PAPPA: variants seen among roughly 807,000 people sequenced by gnomAD.
PAPPA encodes the protein pappalysin-1.
PAPPA carries 60 observed loss-of-function variants against 164.0 expected under a neutral mutation model. The observed-to-expected ratio is 0.37, with a 90% CI of 0.30 to 0.45. The LOEUF (loss-of-function observed/expected upper bound fraction) is 0.45. Among genes scored for constraint, PAPPA ranks in the 20% least tolerant of loss-of-function variants. PAPPA has a pLI of 1.00. For synonymous variants in PAPPA, 875 were observed against 814.1 expected (o/e 1.07, Z -1.27); for missense variants, 1,782 against 2,087.3 (o/e 0.85, Z 2.85).
chr9:116,274,132 GA>G (rs11342215), intron 9 of PAPPA, among the ~76,000 whole-genome samples: 58,109 of 150,560 alleles, frequency 0.39, 11,409 homozygotes, highest in East Asian at 0.65. Context: ...CAGGGTGAAT[GA>G]AAAAAAAACA....
intron 9 of PAPPA, among the ~76,000 whole-genome samples, chr9:116,289,313 G>GCCATATATAT (rs1397352816): frequency 4.6e-4 from 55 of 119,014 alleles, no homozygotes; most frequent in Non-Finnish European, 8.8e-4. Context: ...GCATATATAT[G>GCCATATATAT]GCATATATAT....
intron 13 of PAPPA, among the ~76,000 whole-genome samples, chr9:116,338,912 T>C (rs1436201185): frequency 6.6e-6 from 1 of 152,210 alleles, no homozygotes; most frequent in African/African-American, 2.4e-5. Context: ...TGTTGTTTTG[T>C]TCTCATAAAA....
chr9:116,220,736 A>G (rs981260415), intron 5 of PAPPA, among the ~76,000 whole-genome samples: 3 of 151,494 alleles, frequency 2.0e-5, no homozygotes, highest in East Asian at 3.9e-4. Context: ...AAGCACAAAA[A>G]TTAGACGGGT....
chr9:116,312,288 C>CTTTTTTTTTTTTTTTTTTTTTTTTTTT (rs5900201), intron 10 of PAPPA, among the ~76,000 whole-genome samples: 1 of 129,634 alleles, frequency 7.7e-6, no homozygotes, highest in South Asian at 2.5e-4. Flanking sequence ...TTCTTTCTTT[C>CTTTTTTTTTTTTTTTTTTTTTTTTTTT]TTTTTTTTTT....
intron 10 of PAPPA, among the ~76,000 whole-genome samples, chr9:116,320,538 C>G (rs576645945): frequency 6.6e-6 from 1 of 152,104 alleles, no homozygotes; most frequent in Non-Finnish European, 1.5e-5. Flanking sequence ...CTGTCTATGC[C>G]GAATAATAAA....
At chr9:116,288,097 G>A (rs999849450) in intron 9 of PAPPA, among the ~76,000 whole-genome samples, 3 of 152,160 alleles carry the variant, frequency 2.0e-5, no homozygotes, top group Non-Finnish European at 4.4e-5. Context: ...CAGGCCAGGC[G>A]CGATGGCTTA....
chr9:116,237,044 A>G (rs1844676849), intron 7 of PAPPA, among the ~76,000 whole-genome samples: 1 of 152,260 alleles, frequency 6.6e-6, no homozygotes, highest in Non-Finnish European at 1.5e-5. Flanking sequence ...TTCTAAAATG[A>G]TGTAAGACAA....
At chr9:116,339,375 CG>C (rs1165181002) in intron 13 of PAPPA, among the ~76,000 whole-genome samples, 35 of 152,246 alleles carry the variant, frequency 2.3e-4, no homozygotes, top group African/African-American at 8.4e-4. Flanking sequence ...CCACTCAGCT[CG>C]CTTGAACCCT....
In PAPPA at chr9:116,285,192, A is replaced by G. The variant is rs528610535; in HGVS notation, c.2953+13776A>G. On this transcript the variant is annotated intron_variant, in intron 9 of 21. Transcript: ENST00000328252. ...CTTTCTTTTTTTTTTTTTTTTTTTG[A>G]CAGATTCTCACTTTGTTGCCAGGCC... 2.2e-4 allele frequency among the ~76,000 whole-genome samples: 3 copies of G among 13,808 alleles called. No homozygotes were observed. In the East Asian group the frequency reaches 7.6e-3, roughly 35 times the overall value. 9.1% of individuals were successfully genotyped at this position (13,808 alleles called of 152,430 possible). A position where few individuals can be genotyped will look rare whatever the true frequency, so the allele number is the denominator to read the frequency against.
chr9:116,180,268 G>C (rs540290005), intron 1 of PAPPA, among the ~76,000 whole-genome samples: 5 of 152,118 alleles, frequency 3.3e-5, no homozygotes, highest in African/African-American at 1.2e-4. Context: ...GGCAGACCTA[G>C]ACATTAGAGC....
At chr9:116,342,548 C>T (rs1024811047) in intron 13 of PAPPA, among the ~76,000 whole-genome samples, 5 of 152,134 alleles carry the variant, frequency 3.3e-5, no homozygotes, top group African/African-American at 1.2e-4. Context: ...CTCCCCCCGC[C>T]TCCAGACTTT....
In PAPPA at chr9:116,400,427, T is replaced by G. The variant is rs1847034204; in HGVS notation, c.*3811T>G. The stretch of plus-strand genomic sequence containing the variant: ...TTGTTGGGTGGGGTGGGCATTTTGT[T>G]TATTTGTTTGGTGGCAATCAGTGGT... On this transcript the variant is annotated 3_prime_UTR_variant, in exon 22 of 22. Coordinates refer to ENST00000328252, the MANE Select transcript of PAPPA (RefSeq NM_002581.5). The G allele has an allele frequency of 1.3e-5, 2 of 152,144 alleles. No homozygotes were observed. The highest frequency in any genetic ancestry group is 4.8e-5 in the African/African-American group (2 of 41,436). 9.4% of individuals were successfully genotyped at this position (152,144 alleles called of 1,614,324 possible). A position where few individuals can be genotyped will look rare whatever the true frequency, so the allele number is the denominator to read the frequency against.
intron 7 of PAPPA, among the ~76,000 whole-genome samples, chr9:116,257,571 G>A (rs1047792357): frequency 6.6e-6 from 1 of 151,834 alleles, no homozygotes; most frequent in Non-Finnish European, 1.5e-5. Context: ...GCATGGTGGC[G>A]GGCGCCTGTA....
chr9:116,282,529 A>G (rs924396790), intron 9 of PAPPA, among the ~76,000 whole-genome samples: 42 of 152,208 alleles, frequency 2.8e-4, no homozygotes, highest in African/African-American at 7.5e-4. Context: ...CTTTTTCTCT[A>G]TTAATTCCAC....
intron 7 of PAPPA, among the ~76,000 whole-genome samples, chr9:116,250,594 G>A (rs546726145): frequency 1.3e-4 from 20 of 152,278 alleles, no homozygotes; most frequent in Non-Finnish European, 2.2e-4. Flanking sequence ...CTGTGTATAC[G>A]AAGTCAGTCT....
chr9:116,183,980 C>T (rs1843938199), intron 1 of PAPPA, among the ~76,000 whole-genome samples: 1 of 152,122 alleles, frequency 6.6e-6, no homozygotes, highest in East Asian at 1.9e-4. Context: ...ACAGGAAAAC[C>T]AGAGACTGGG....
chr9:116,257,387 C>T (rs556449248), intron 7 of PAPPA, among the ~76,000 whole-genome samples: 1 of 152,082 alleles, frequency 6.6e-6, no homozygotes, highest in Non-Finnish European at 1.5e-5. Context: ...GGTCTCCTAC[C>T]TAGCGCAGCT....
chr9:116,303,114 A>G (rs1845600499), intron 10 of PAPPA, among the ~76,000 whole-genome samples, 164 bp downstream of exon 10: 1 of 152,234 alleles, frequency 6.6e-6, no homozygotes, highest in Admixed American at 6.5e-5. Context: ...GTAAAAGATT[A>G]GATCTGGAAT....
rs67162181 is a variant in PAPPA at position 116,250,013 on chromosome 9, A to ATGTGTG, written c.2732+14410_2732+14415dup. ...TACATGCATGCATGAGTACCTGCATATGTGTGTGTGTGTGTGTGTGTGTGT... is the reference window on the plus strand; with the variant it reads ...TACATGCATGCATGAGTACCTGCATATGTGTGTGTGTGTGTGTGTGTGTGTGTGTGT... On this transcript the variant is annotated intron_variant, in intron 7 of 21. Coordinates refer to ENST00000328252, the MANE Select transcript of PAPPA (RefSeq NM_002581.5). Among the ~76,000 whole-genome samples the ATGTGTG allele has an allele frequency of 6.5e-3, 935 of 143,626 alleles. 7 individuals are homozygous for ATGTGTG. The Middle Eastern group carries it at 0.077, about 12-fold the overall frequency. 94.2% of individuals were successfully genotyped at this position (143,626 alleles called of 152,430 possible). A position where few individuals can be genotyped will look rare whatever the true frequency, so the allele number is the denominator to read the frequency against.
Sources: allele counts gnomAD v4.1 joint callset (sites outside exome capture counted in the v4.1 genomes callset), GRCh38; gene constraint gnomAD v4.1.1; transcripts MANE v1.5; gene names NCBI Gene and HGNC (gene_info 2026-07-23, HGNC 2026-07-21).